BRINP2: variants seen among roughly 807,000 people sequenced by gnomAD.
BRINP2 encodes BMP/retinoic acid-inducible neural-specific protein 2.
In BRINP2, 21 loss-of-function variants were observed where a neutral mutation model predicts 69.2. The observed-to-expected ratio is 0.30, with a 90% confidence interval of 0.22 to 0.44. The LOEUF (loss-of-function observed/expected upper bound fraction) is 0.44. BRINP2 is among the 20% of genes least tolerant of loss of function. BRINP2 has a pLI of 1.00. For synonymous variants in BRINP2, 380 were observed against 394.1 expected, an observed-to-expected ratio of 0.96 and a Z score of 0.42; for missense variants, 877 against 986.0, an observed-to-expected ratio of 0.89 and a Z score of 1.48.
At chr1:177,189,834 C>T (rs1382711002) in intron 1 of BRINP2, among the ~76,000 whole-genome samples, 1 of 152,122 alleles carries the variant, frequency 6.6e-6, no homozygotes, top group African/African-American at 2.4e-5. Context: ...TATGAATAAA[C>T]CATCTTAACG....
chr1:177,176,875 T>A (rs954786007), intron 1 of BRINP2, among the ~76,000 whole-genome samples: 2 of 152,070 alleles, frequency 1.3e-5, no homozygotes, highest in Non-Finnish European at 2.9e-5. Flanking sequence ...GGTAATTTTA[T>A]CCTAATATTT....
Position 177,199,037 on chromosome 1 carries a change from T to C in BRINP2, c.-77+27305T>C, listed in dbSNP as rs557172324. ...CATTCTATTTTTGTTCCTGAGGTAATATTTTAGGTAAGGAAAAAAAGCCAC... is the reference window on the plus strand; with the variant it reads ...CATTCTATTTTTGTTCCTGAGGTAACATTTTAGGTAAGGAAAAAAAGCCAC... On this transcript the variant is annotated intron_variant, in intron 1 of 7. Coordinates refer to ENST00000361539, the MANE Select transcript of BRINP2 (RefSeq NM_021165.4). 7.9e-5 allele frequency among the ~76,000 whole-genome samples: 12 copies of C among 152,268 alleles called. No individual in the cohort carries two copies. The South Asian group carries it at 2.3e-3, about 29-fold the overall frequency.
At chr1:177,177,715 C>T (rs1648132838) in intron 1 of BRINP2, among the ~76,000 whole-genome samples, 1 of 152,174 alleles carries the variant, frequency 6.6e-6, no homozygotes, top group Non-Finnish European at 1.5e-5. Context: ...CTTGTATTTT[C>T]AGTTTTATCA....
chr1:177,235,975 G>C (rs1558170627), intron 2 of BRINP2, among the ~76,000 whole-genome samples: 2 of 152,178 alleles, frequency 1.3e-5, no homozygotes, highest in African/African-American at 4.8e-5. Flanking sequence ...TCTTGACGTG[G>C]AAGGAGATGA....
chr1:177,277,250 G>A (rs1352589061), intron 6 of BRINP2, among the ~76,000 whole-genome samples: 2 of 151,340 alleles, frequency 1.3e-5, no homozygotes, highest in Non-Finnish European at 2.9e-5. Context: ...TTACAAACAG[G>A]ATACCCAATA....
intron 1 of BRINP2, among the ~76,000 whole-genome samples, chr1:177,223,645 A>AC (rs1218846625): frequency 2.6e-5 from 4 of 152,170 alleles, no homozygotes; most frequent in Non-Finnish European, 1.5e-5. Context: ...TCCTCTGTTA[A>AC]AGTTCTTAAA....
intron 1 of BRINP2, among the ~76,000 whole-genome samples, chr1:177,184,207 T>C (rs1266913892): frequency 3.3e-5 from 5 of 152,238 alleles, no homozygotes; most frequent in Admixed American, 2.6e-4. Context: ...TTTGTAGGAC[T>C]CAGCAATTTG....
chr1:177,244,975 C>A (rs979066971), intron 2 of BRINP2, among the ~76,000 whole-genome samples: 3 of 152,138 alleles, frequency 2.0e-5, no homozygotes, highest in African/African-American at 7.2e-5. Flanking sequence ...AAGCTCCCCT[C>A]TCACAAGTGA....
At chr1:177,239,458 T>A (rs1164289186) in intron 2 of BRINP2, among the ~76,000 whole-genome samples, 1 of 152,230 alleles carries the variant, frequency 6.6e-6, no homozygotes, top group East Asian at 1.9e-4. Context: ...GTATCTTACT[T>A]CTTGCCTGGC....
rs1647936523 is a variant in BRINP2 at position 177,171,677 on chromosome 1, G to A, written c.-132G>A. On this transcript the variant is annotated 5_prime_UTR_variant, in exon 1 of 8. Transcript: ENST00000361539. ...ATCTTTTAGGAGTCTCCTCCCAGTC[G>A]TTGAAGGTTTGGGGAGCAGCTGATA... The A allele has an allele frequency of 1.3e-5, 2 of 152,194 alleles. No individual in the cohort carries two copies. Among genetic ancestry groups the A allele is most frequent in the African/African-American group, 4.8e-5 (2 of 41,446 alleles). 9.4% of individuals were successfully genotyped at this position (152,194 alleles called of 1,614,324 possible).
chr1:177,261,869 C>T (rs768107395), intron 4 of BRINP2, among the ~76,000 whole-genome samples: 6 of 152,126 alleles, frequency 3.9e-5, no homozygotes, highest in Non-Finnish European at 4.4e-5. Flanking sequence ...AGAACCAAAG[C>T]GGGCTCACAA....
At chr1:177,263,004 G>A (rs1651006816) in intron 4 of BRINP2, among the ~76,000 whole-genome samples, 5 of 152,164 alleles carry the variant, frequency 3.3e-5, no homozygotes. Context: ...ATTTAACAAA[G>A]ATGTGTGTAT....
chr1:177,254,945 T>C lies in BRINP2; in HGVS notation c.270-974T>C, dbSNP rs1452366304. Among the ~76,000 whole-genome samples, 7 of 152,214 alleles carry C rather than the reference T, an allele frequency of 4.6e-5. No homozygotes were observed. In the South Asian group the frequency reaches 8.3e-4, roughly 18 times the overall value. On this transcript the variant is annotated intron_variant, in intron 2 of 7. Coordinates refer to ENST00000361539, the MANE Select transcript of BRINP2 (RefSeq NM_021165.4). ...AGATCTGCATAACTTGGTGACCTGATATTTTCCAGATGACCAACACATGAT... is the reference window on the plus strand; with the variant it reads ...AGATCTGCATAACTTGGTGACCTGACATTTTCCAGATGACCAACACATGAT...
intron 1 of BRINP2, among the ~76,000 whole-genome samples, chr1:177,222,992 CT>C (rs1428524789): frequency 6.6e-6 from 1 of 152,166 alleles, no homozygotes; most frequent in Non-Finnish European, 1.5e-5. Context: ...GGATGAGCGA[CT>C]TTTTATTTAG....
At chr1:177,218,531 C>A (rs143665263) in intron 1 of BRINP2, among the ~76,000 whole-genome samples, 1 of 152,284 alleles carries the variant, frequency 6.6e-6, no homozygotes, top group African/African-American at 2.4e-5. Context: ...CACCTCCTGA[C>A]TTTGTTTTTA....
intron 2 of BRINP2, among the ~76,000 whole-genome samples, chr1:177,241,684 C>G (rs891841634): frequency 1.3e-5 from 2 of 152,212 alleles, no homozygotes; most frequent in Non-Finnish European, 2.9e-5. Context: ...TTTCAAAGTA[C>G]TCAAGAATTT....
intron 1 of BRINP2, among the ~76,000 whole-genome samples, chr1:177,178,966 T>C (rs2102287306): frequency 1.3e-5 from 2 of 152,308 alleles, no homozygotes; most frequent in South Asian, 4.1e-4. Context: ...ACTGAAGTTT[T>C]ACACAAATAA....
chr1:177,245,954 T>C (rs766380594), intron 2 of BRINP2, among the ~76,000 whole-genome samples: 1 of 152,088 alleles, frequency 6.6e-6, no homozygotes, highest in Non-Finnish European at 1.5e-5. Flanking sequence ...TAGAGCAAAA[T>C]TGGGAAGATT....
intron 1 of BRINP2, among the ~76,000 whole-genome samples, chr1:177,204,289 A>C (rs369755843): frequency 5.3e-5 from 8 of 152,202 alleles, no homozygotes; most frequent in East Asian, 3.9e-4. Context: ...AGTTCAGGAG[A>C]GGGCCTAGGG....
Sources: gnomAD v4.1 joint callset for allele counts (sites outside exome capture counted in the v4.1 genomes callset) on GRCh38, gnomAD v4.1.1 for gene constraint, MANE v1.5 for transcripts, NCBI Gene and HGNC (gene_info 2026-07-23, HGNC 2026-07-21) for gene names.